GRM8: variants seen among roughly 807,000 people sequenced by gnomAD.
The protein encoded by GRM8 is metabotropic glutamate receptor 8.
A neutral mutation model predicts 87.2 loss-of-function variants in GRM8; 47 were observed. The observed-to-expected ratio is 0.54, with a 90% CI of 0.43 to 0.69. GRM8 has a LOEUF of 0.69. GRM8 is among the 30% of genes least tolerant of loss of function. The pLI is 0.00. For missense variants in GRM8, 1,019 were observed against 1,139.2 expected, an observed-to-expected ratio of 0.89 and a Z score of 1.52; for synonymous variants, 396 against 404.5, an observed-to-expected ratio of 0.98 and a Z score of 0.25.
intron 7 of GRM8, among the ~76,000 whole-genome samples, chr7:126,616,195 C>T (rs555520378): frequency 2.0e-5 from 3 of 152,328 alleles, no homozygotes; most frequent in East Asian, 3.9e-4. Context: ...ACAGTGCAAT[C>T]AAACTACAAC....
intron 9 of GRM8, among the ~76,000 whole-genome samples, chr7:126,489,443 T>C (rs1178119071): frequency 2.0e-5 from 3 of 152,046 alleles, no homozygotes; most frequent in Non-Finnish European, 4.4e-5. Flanking sequence ...AGAGGATGAT[T>C]TGAATATTGG....
chr7:126,453,151 T>C (rs1291658898), intron 9 of GRM8, among the ~76,000 whole-genome samples: 1 of 151,588 alleles, frequency 6.6e-6, no homozygotes, highest in Non-Finnish European at 1.5e-5. Flanking sequence ...AAATATACTT[T>C]ATGTTTGTGG....
At position 126,903,600 on chromosome 7, in the gene GRM8, AC is replaced by A. The variant is rs1327681795; in HGVS notation, c.1018+371del. Reference sequence around the variant, plus strand: ...CACACACACACACACACACACACACACTATATACATATATACATATATATAT... The same window carrying A: ...CACACACACACACACACACACACACATATATACATATATACATATATATAT... On this transcript the variant is annotated intron_variant, in intron 5 of 10. Coordinates refer to ENST00000339582, the MANE Select transcript of GRM8 (RefSeq NM_000845.3). Among the ~76,000 whole-genome samples, 171 of 126,716 alleles carry A rather than the reference AC, an allele frequency of 1.3e-3. 5 individuals carry two copies. In the East Asian group the frequency reaches 0.016, roughly 12 times the overall value. The allele number at this position is 126,716 out of a possible 152,430, so 83.1% of individuals were successfully genotyped here. A position where few individuals can be genotyped will look rare whatever the true frequency, so the allele number is the denominator to read the frequency against.
intron 9 of GRM8, among the ~76,000 whole-genome samples, chr7:126,489,087 A>T (rs1338859198): frequency 6.6e-6 from 1 of 152,008 alleles, no homozygotes; most frequent in East Asian, 1.9e-4. Context: ...GAAATAGAAG[A>T]TCTAAATTTA....
At chr7:127,200,060 T>C (rs1795502817) in intron 2 of GRM8, among the ~76,000 whole-genome samples, 1 of 152,156 alleles carries the variant, frequency 6.6e-6, no homozygotes, top group South Asian at 2.1e-4. Context: ...AAACAAAACT[T>C]TCAGATCAGT....
At chr7:127,197,357 G>A (rs1009641218) in intron 2 of GRM8, among the ~76,000 whole-genome samples, 6 of 152,168 alleles carry the variant, frequency 3.9e-5, no homozygotes, top group Non-Finnish European at 8.8e-5. Flanking sequence ...AAAGAAGTTG[G>A]AAGGGGCCAA....
rs1394908676 is a variant in GRM8 at position 127,170,237 on chromosome 7, G to T, written c.511-63525C>A. On this transcript the variant is annotated intron_variant, in intron 2 of 10. Transcript: ENST00000339582. ...AAACGGCCAACAAACATGAAAAAAT[G>T]CCCCACCCACATCACTAATGATCAG... 2.6e-5 allele frequency among the ~76,000 whole-genome samples: 4 copies of T among 152,090 alleles called. No individual in the cohort carries two copies. In the East Asian group the frequency reaches 5.8e-4, roughly 22 times the overall value.
At chr7:127,161,863 T>C (rs1251935511) in intron 2 of GRM8, among the ~76,000 whole-genome samples, 1 of 152,150 alleles carries the variant, frequency 6.6e-6, no homozygotes, top group East Asian at 1.9e-4. Flanking sequence ...CCTATTTCAG[T>C]GGATTTAAGG....
intron 3 of GRM8, among the ~76,000 whole-genome samples, chr7:126,934,294 C>T (rs1183069061): frequency 4.6e-5 from 7 of 152,158 alleles, no homozygotes; most frequent in African/African-American, 1.7e-4. Context: ...TTTAGCCCCA[C>T]TCTAAATCAT....
chr7:126,571,992 C>T (rs549870478), intron 8 of GRM8, among the ~76,000 whole-genome samples: 5 of 152,190 alleles, frequency 3.3e-5, no homozygotes, highest in Admixed American at 6.5e-5. Flanking sequence ...CCTCCTGCCT[C>T]GACCTCCCAA....
At chr7:126,607,736 T>A (rs1014023366) in intron 8 of GRM8, among the ~76,000 whole-genome samples, 9 of 152,104 alleles carry the variant, frequency 5.9e-5, no homozygotes, top group Non-Finnish European at 7.4e-5. Flanking sequence ...TTAGGGTACA[T>A]GTGCACAATG....
At chr7:127,180,189 A>G (rs1290971194) in intron 2 of GRM8, among the ~76,000 whole-genome samples, 1 of 152,130 alleles carries the variant, frequency 6.6e-6, no homozygotes, top group Admixed American at 6.5e-5. Context: ...ACACCACTGA[A>G]ATACAAAAGA....
intron 9 of GRM8, among the ~76,000 whole-genome samples, chr7:126,516,814 G>A (rs1463504517): frequency 6.6e-6 from 1 of 152,036 alleles, no homozygotes; most frequent in Non-Finnish European, 1.5e-5. Context: ...ATATCTCAAA[G>A]TTAATTTCAA....
chr7:126,576,721 A>G (rs574485884), intron 8 of GRM8, among the ~76,000 whole-genome samples: 111 of 151,746 alleles, frequency 7.3e-4, no homozygotes, highest in Admixed American at 2.4e-3. Flanking sequence ...TGGTATTTTC[A>G]TTTTCTATTC....
At chr7:126,545,190 G>A (rs534736812) in intron 8 of GRM8, among the ~76,000 whole-genome samples, 25 of 152,110 alleles carry the variant, frequency 1.6e-4, no homozygotes, top group African/African-American at 2.9e-4. Flanking sequence ...TTGTGGATGC[G>A]GTGGTTTAAG....
intron 2 of GRM8, among the ~76,000 whole-genome samples, chr7:127,168,167 A>C (rs977616734): frequency 2.6e-5 from 4 of 152,126 alleles, no homozygotes; most frequent in Non-Finnish European, 5.9e-5. Context: ...TTACAAGAAA[A>C]AAACAGCCCC....
chr7:126,841,412 TA>T (rs1206014639), intron 6 of GRM8, among the ~76,000 whole-genome samples: 1 of 152,054 alleles, frequency 6.6e-6, no homozygotes, highest in Admixed American at 6.6e-5. Flanking sequence ...GCCCCTCTGA[TA>T]TGGTGGCCTC....
At chr7:127,046,174 A>C (rs980394358) in intron 3 of GRM8, among the ~76,000 whole-genome samples, 4 of 152,168 alleles carry the variant, frequency 2.6e-5, no homozygotes, top group African/African-American at 9.7e-5. Flanking sequence ...GATCGAGACC[A>C]TCCTGGCTAA....
chr7:126,761,245 A>C (rs1333521583), intron 7 of GRM8, among the ~76,000 whole-genome samples: 1 of 125,134 alleles, frequency 8.0e-6, no homozygotes, highest in Admixed American at 7.9e-5. Flanking sequence ...AAGTAGTGTC[A>C]AGTTGATATA....
Sources: gnomAD v4.1 joint callset for allele counts (sites outside exome capture counted in the v4.1 genomes callset) on GRCh38, gnomAD v4.1.1 for gene constraint, MANE v1.5 for transcripts, NCBI Gene and HGNC (gene_info 2026-07-23, HGNC 2026-07-21) for gene names.